The following GARS1 variants were observed in gnomAD, a reference collection of about 807,000 sequenced individuals.
GARS1 encodes glycine--tRNA ligase.
Under a neutral mutation model 86.4 loss-of-function variants are expected in GARS1, and 46 were observed. The ratio of observed to expected loss-of-function variants is 0.53; its 90% CI spans 0.42 to 0.68. The LOEUF (loss-of-function observed/expected upper bound fraction) is 0.68, where lower values mean the gene tolerates loss of function less well. Among genes scored for constraint, GARS1 ranks in the 30% least tolerant of loss-of-function variants. The probability of loss-of-function intolerance (pLI) is 0.00; values close to 1 mark genes in which losing one functional copy is unlikely to be tolerated. For synonymous variants in GARS1, 342 were observed against 329.8 expected, an observed-to-expected ratio of 1.04 and a Z score of -0.40; for missense variants, 797 against 915.6, an observed-to-expected ratio of 0.87 and a Z score of 1.67.
At position 30,599,973 on chromosome 7, in the gene GARS1, T is replaced by G; in HGVS notation, c.351T>G (p.Asp117Glu). 2 of 1,613,610 alleles carry G rather than the reference T, an allele frequency of 1.2e-6. No individual in the cohort carries two copies. The highest frequency in any genetic ancestry group is 1.7e-6 in the Non-Finnish European group (2 of 1,179,712). Residue 117 changes from aspartate (D) to glutamate (E), a missense_variant, in exon 3 of 17, where the codon GAT becomes GAG. Asp to Glu is a conservative substitution (Grantham distance 45). Transcript: ENST00000389266. ...AGCTGGCGTTACAGCCCAAAGATGATATTGTAGACCGAGCAAAAATGGAAG... is the reference window on the plus strand; with the variant it reads ...AGCTGGCGTTACAGCCCAAAGATGAGATTGTAGACCGAGCAAAAATGGAAG... ...AKELALQPKD[D>E]IVDRAKMEDT...
chr7:30,610,924 T>C (rs945437908), intron 7 of GARS1, among the ~76,000 whole-genome samples: 1 of 152,222 alleles, frequency 6.6e-6, no homozygotes, highest in African/African-American at 2.4e-5. Context: ...ACTGTAAATA[T>C]ATGTATAAAC....
Position 30,632,077 on chromosome 7 carries a change from G to T in GARS1, c.1904-170G>T, listed in dbSNP as rs1223579350. 2 of 681,210 alleles carry T rather than the reference G, an allele frequency of 2.9e-6. No homozygotes were observed. The highest frequency in any genetic ancestry group is 2.2e-5 in the Admixed American group (1 of 44,832). 42.2% of individuals were successfully genotyped at this position (681,210 alleles called of 1,614,324 possible). A position where few individuals can be genotyped will look rare whatever the true frequency, so the allele number is the denominator to read the frequency against. Reference sequence around the variant, plus strand: ...GGTATGAGTGAAGATTTGGATTCCCGCAAGGGATTTATTAAACTTTAGGGA... The same window carrying T: ...GGTATGAGTGAAGATTTGGATTCCCTCAAGGGATTTATTAAACTTTAGGGA... On this transcript the variant is annotated intron_variant, in intron 15 of 16. Coordinates refer to ENST00000389266, the MANE Select transcript of GARS1 (RefSeq NM_002047.4). The surrounding 1 kb of genome is among the most constrained non-coding windows in gnomAD (Gnocchi z 4.1).
At chr7:30,629,792 G>C (rs189741336) in intron 14 of GARS1, among the ~76,000 whole-genome samples, 1 of 152,360 alleles carries the variant, frequency 6.6e-6, no homozygotes, top group East Asian at 1.9e-4. Context: ...TAGGCCCCAG[G>C]TGCGCAAACA....
chr7:30,617,103 G>T lies in GARS1; in HGVS notation c.1195-11G>T. The T allele has an allele frequency of 6.2e-7, 1 of 1,613,744 alleles. No homozygotes were observed. Among genetic ancestry groups the T allele is most frequent in the Non-Finnish European group, 8.5e-7 (1 of 1,179,832 alleles). On this transcript the variant is annotated splice_polypyrimidine_tract_variant and intron_variant, in intron 9 of 16. Coordinates refer to ENST00000389266, the MANE Select transcript of GARS1 (RefSeq NM_002047.4). ...TTTTCTTCCTCCATGCTTGCTTATT[G>T]GTTGGTTTAGGGTGTGATTAATAAC...
In GARS1 at chr7:30,632,155, A is replaced by G. The variant is rs1002655034; in HGVS notation, c.1904-92A>G. 1 of 1,216,764 alleles carries G rather than the reference A, an allele frequency of 8.2e-7. No individual in the cohort carries two copies. The highest frequency in any genetic ancestry group is 1.5e-5 in the African/African-American group (1 of 66,568). The allele number at this position is 1,216,764 out of a possible 1,614,324, so 75.4% of individuals were successfully genotyped here. ...TTGCTTTCTTGTCTTGGTCCCATTT[A>G]TAAGTCTCCTGAGCTTGTAAGACAG... On this transcript the variant is annotated intron_variant, in intron 15 of 16. Transcript: ENST00000389266. This position sits in a 1 kb window ranked among gnomAD's most constrained non-coding sequence, Gnocchi z 4.1.
rs1783243302 is a variant in GARS1 at position 30,631,985 on chromosome 7, C to CTA, written c.1904-262_1904-261insTA. On this transcript the variant is annotated intron_variant, in intron 15 of 16. Coordinates refer to ENST00000389266, the MANE Select transcript of GARS1 (RefSeq NM_002047.4). ...GCCATAAAAATAGAGGTGGTGGAGT[C>CTA]AGGACTCACCTTCTGGCCTTGGCTC... is the stretch of plus-strand genomic sequence containing the variant. 3 of 476,744 alleles carry CTA rather than the reference C, an allele frequency of 6.3e-6. No homozygotes were observed. In the East Asian group the frequency reaches 1.2e-4, roughly 20 times the overall value. The allele number at this position is 476,744 out of a possible 1,614,324, so 29.5% of individuals were successfully genotyped here.
Position 30,609,744 on chromosome 7 carries a change from A to G in GARS1, c.881+14A>G. Reference sequence around the variant, plus strand: ...AAACATGCCTGGGTATGTATCACTTATTGTTTACCTGTTTATGTAATGAAG... The same window carrying G: ...AAACATGCCTGGGTATGTATCACTTGTTGTTTACCTGTTTATGTAATGAAG... On this transcript the variant is annotated intron_variant, in intron 7 of 16. Coordinates refer to ENST00000389266, the MANE Select transcript of GARS1 (RefSeq NM_002047.4). 6.2e-7 allele frequency: 1 copy of G among 1,612,646 alleles called. No individual in the cohort carries two copies. Among genetic ancestry groups the G allele is most frequent in the Non-Finnish European group, 8.5e-7 (1 of 1,178,898 alleles).
Position 30,630,029 on chromosome 7 carries a change from A to C in GARS1, c.1809+1360A>C, listed in dbSNP as rs185165568. Among the ~76,000 whole-genome samples the C allele has an allele frequency of 3.9e-4, 59 of 152,362 alleles. 1 individual carries two copies. Among genetic ancestry groups the C allele is most frequent in the African/African-American group, 1.2e-3 (48 of 41,594 alleles). ...TTAGTCACAGTGTTTTATGAATTGCATGAATTCCCATCATGAAGAGAAATT... is the reference window on the plus strand; with the variant it reads ...TTAGTCACAGTGTTTTATGAATTGCCTGAATTCCCATCATGAAGAGAAATT... On this transcript the variant is annotated intron_variant, in intron 14 of 16. Coordinates refer to ENST00000389266, the MANE Select transcript of GARS1 (RefSeq NM_002047.4).
intron 6 of GARS1, among the ~76,000 whole-genome samples, chr7:30,606,066 G>A (rs373461357): frequency 6.6e-6 from 1 of 152,010 alleles, no homozygotes; most frequent in African/African-American, 2.4e-5. Flanking sequence ...CTACTGTCTG[G>A]ATTTGGCTAA....
At chr7:30,617,590 T>G (rs1446094940) in intron 10 of GARS1, among the ~76,000 whole-genome samples, 1 of 152,152 alleles carries the variant, frequency 6.6e-6, no homozygotes, top group Admixed American at 6.5e-5. Context: ...CATTGGCCTC[T>G]CCTTCCTGGC....
At chr7:30,604,300 G>C (rs1275145926) in intron 6 of GARS1, among the ~76,000 whole-genome samples, 3 of 152,074 alleles carry the variant, frequency 2.0e-5, no homozygotes, top group African/African-American at 7.2e-5. Flanking sequence ...TTCCGTTTAG[G>C]CAAAGTACAT....
chr7:30,606,020 T>C (rs6950015), intron 6 of GARS1, among the ~76,000 whole-genome samples: 6,766 of 152,248 alleles, frequency 0.044, 494 homozygotes, highest in African/African-American at 0.15. Context: ...TTAAAATTTT[T>C]TTCAAGAAGC....
At position 30,627,247 on chromosome 7, in the gene GARS1, A is replaced by G. The variant is rs1356665458; in HGVS notation, c.1699+928A>G. 13 of 286,844 alleles carry G rather than the reference A, an allele frequency of 4.5e-5. No homozygotes were observed. The East Asian group carries it at 1.4e-3, about 30-fold the overall frequency. 17.8% of individuals were successfully genotyped at this position (286,844 alleles called of 1,614,324 possible). ...GTCTTGTAGCCAGGCTTCAGTGAGCAGTGTTAGGAGTAAGCGGGGGCTTCT... is the reference window on the plus strand; with the variant it reads ...GTCTTGTAGCCAGGCTTCAGTGAGCGGTGTTAGGAGTAAGCGGGGGCTTCT... On this transcript the variant is annotated intron_variant, in intron 13 of 16. Coordinates refer to ENST00000389266, the MANE Select transcript of GARS1 (RefSeq NM_002047.4).
At position 30,595,083 on chromosome 7, in the gene GARS1, C is replaced by A; in HGVS notation, c.162C>A (p.Ser54Arg). Residue 54 changes from serine (S) to arginine (R), a missense_variant, in exon 1 of 17, where the codon AGC (serine) becomes AGA (arginine). Physicochemically the swap from Ser to Arg is moderately radical, Grantham distance 110 (BLOSUM62 -1). Around this residue, in one of 2 missense-constraint regions of GARS1, gnomAD observed 199 missense variants for 176.9 expected, o/e 1.12. Transcript: ENST00000389266. The stretch of plus-strand genomic sequence containing the variant: ...TGCCCGCCGCCGCCTCCCGGAGCAG[C>A]ATGGACGGCGCGGGGGCTGAGGAGG... The part of the protein sequence containing the change: ...ISLPAAASRS[S>R]MDGAGAEEVL... 1 of 1,546,692 alleles carries A rather than the reference C, an allele frequency of 6.5e-7. No homozygotes were observed. The highest frequency in any genetic ancestry group is 8.7e-7 in the Non-Finnish European group (1 of 1,151,746).
At chr7:30,620,901 C>G (rs1263805979) in intron 10 of GARS1, among the ~76,000 whole-genome samples, 1 of 152,122 alleles carries the variant, frequency 6.6e-6, no homozygotes, top group African/African-American at 2.4e-5. Context: ...AAATTTGAAC[C>G]AAATTTACAG....
chr7:30,605,923 A>G (rs1202290608), intron 6 of GARS1, among the ~76,000 whole-genome samples: 1 of 152,188 alleles, frequency 6.6e-6, no homozygotes, highest in Admixed American at 6.5e-5. Context: ...GATAAAGTCT[A>G]TACTTTGTGA....
intron 4 of GARS1, among the ~76,000 whole-genome samples, chr7:30,601,833 C>T (rs549825568): frequency 5.9e-5 from 9 of 152,188 alleles, no homozygotes; most frequent in African/African-American, 2.2e-4. Flanking sequence ...AGCTGGAATG[C>T]AGTGGCTTGA....
chr7:30,623,964 AT>A (rs1179985787), intron 12 of GARS1, among the ~76,000 whole-genome samples: 1 of 152,220 alleles, frequency 6.6e-6, no homozygotes, highest in African/African-American at 2.4e-5. Context: ...CCCAGCAAAA[AT>A]ATCTTTCAAA....
chr7:30,633,592 C>A, intron 16 of GARS1, 143 bp from the exon 17 acceptor site: 1 of 903,646 alleles, frequency 1.1e-6, no homozygotes, highest in Non-Finnish European at 1.8e-6. Context: ...AACTGGTGGG[C>A]GTTTTGGGCT....
Sources: gnomAD v4.1 joint callset for allele counts (sites outside exome capture counted in the v4.1 genomes callset) on GRCh38, gnomAD v4.1.1 for gene constraint, gnomAD v4.1.1 regional missense constraint, Gnocchi (gnomAD v3.1) non-coding constraint, MANE v1.5 for transcripts, NCBI Gene and HGNC (gene_info 2026-07-23, HGNC 2026-07-21) for gene names.